The following OR5V1 variants were observed in gnomAD, a reference collection of about 807,000 sequenced individuals.
OR5V1 encodes the protein olfactory receptor 5V1.
For missense variants in OR5V1, 365 were observed against 371.5 expected, an observed-to-expected ratio of 0.98 and a Z score of 0.14; for synonymous variants, 134 against 143.2, an observed-to-expected ratio of 0.94 and a Z score of 0.46.
At chr6:29,359,650 A>T (rs1483243095) in intron 1 of OR5V1, among the ~76,000 whole-genome samples, 1 of 152,178 alleles carries the variant, frequency 6.6e-6, no homozygotes, top group East Asian at 1.9e-4. Context: ...CAGCACCTGG[A>T]GGGCAGGCAG....
chr6:29,366,116 G>A (rs1268164090), intron 1 of OR5V1, among the ~76,000 whole-genome samples: 1 of 152,056 alleles, frequency 6.6e-6, no homozygotes, highest in East Asian at 1.9e-4. Flanking sequence ...AGAACACATG[G>A]ACACAGGGAG....
At chr6:29,356,413 C>T (rs1778312426) in intron 1 of OR5V1, 136 bp from the exon 2 acceptor site, 1 of 504,350 alleles carries the variant, frequency 2.0e-6, no homozygotes, top group Admixed American at 3.8e-5. Flanking sequence ...AATGTTTCAC[C>T]TGCAGATCAA....
intron 1 of OR5V1, among the ~76,000 whole-genome samples, chr6:29,365,131 C>G (rs528018599): frequency 6.6e-6 from 1 of 152,136 alleles, no homozygotes; most frequent in African/African-American, 2.4e-5. Flanking sequence ...TCCCTTACAC[C>G]TTATACAAAA....
In OR5V1 at chr6:29,354,442, A is replaced by G. The variant is rs1361153258; in HGVS notation, c.*788T>C. On this transcript the variant is annotated 3_prime_UTR_variant, in exon 2 of 2. Transcript: ENST00000641768. ...TAAATTTAGTCATTATATAACTAAG[A>G]CTTTTTATTCCCCATCAAAAAACCC... 2.0e-5 allele frequency: 3 copies of G among 152,160 alleles called. No homozygotes were observed. Among genetic ancestry groups the G allele is most frequent in the South Asian group, 4.2e-4 (2 of 4,814 alleles). The allele number at this position is 152,160 out of a possible 1,614,324, so 9.4% of individuals were successfully genotyped here.
Position 29,356,018 on chromosome 6 carries a change from A to G in OR5V1, c.178T>C (p.Tyr60His). ...VTDPHLHTPM[Y>H]YFLGNLAFID... ...AAGGCCAAGTTCCCTAGAAAATAAT[A>G]CATAGGTGTATGCAGGTGTGGATCA... The change falls in exon 2 of 2, where the codon TAT (tyrosine) becomes CAT (histidine). Residue 60 changes from tyrosine (Y) to histidine (H), a missense_variant. Tyr to His is a moderately conservative substitution (Grantham distance 83). Transcript: ENST00000641768. 1 of 1,614,076 alleles carries G rather than the reference A, an allele frequency of 6.2e-7. No individual in the cohort carries two copies. Among genetic ancestry groups the G allele is most frequent in the Non-Finnish European group, 8.5e-7 (1 of 1,179,972 alleles).
intron 1 of OR5V1, among the ~76,000 whole-genome samples, chr6:29,367,545 A>C (rs1195269416): frequency 6.6e-6 from 1 of 152,204 alleles, no homozygotes; most frequent in African/African-American, 2.4e-5. Flanking sequence ...TAGAACTTGG[A>C]AAAAATGTTC....
intron 1 of OR5V1, among the ~76,000 whole-genome samples, chr6:29,357,267 T>C (rs1199846979): frequency 6.6e-6 from 1 of 152,126 alleles, no homozygotes; most frequent in Non-Finnish European, 1.5e-5. Flanking sequence ...AGTCTTTACA[T>C]AAATCCTTTA....
intron 1 of OR5V1, among the ~76,000 whole-genome samples, chr6:29,358,656 G>T (rs1778427069): frequency 6.6e-6 from 1 of 152,122 alleles, no homozygotes; most frequent in African/African-American, 2.4e-5. Flanking sequence ...TCTGACATGG[G>T]TTAAGCTAGA....
chr6:29,365,265 A>C (rs1778793493), intron 1 of OR5V1, among the ~76,000 whole-genome samples: 1 of 152,108 alleles, frequency 6.6e-6, no homozygotes, highest in Admixed American at 6.6e-5. Context: ...TAAAACACCA[A>C]AAGCAATGCA....
rs571770110 is a variant in OR5V1, at chr6:29,355,970, T to C, written c.226A>G (p.Ser76Gly). ...TGCACCATCATCTGGGGGACATTGCTGGTGGTGTAGCAGATGTCAATAAAG... is the reference window on the plus strand; with the variant it reads ...TGCACCATCATCTGGGGGACATTGCCGGTGGTGTAGCAGATGTCAATAAAG... The part of the protein sequence containing the change: ...LAFIDICYTT[S>G]NVPQMMVHLL... The change falls in exon 2 of 2, where the codon AGC becomes GGC. Residue 76 changes from serine to glycine, a missense_variant. Physicochemically the swap from Ser to Gly is moderately conservative, Grantham distance 56. Transcript: ENST00000641768. 3.1e-6 allele frequency: 5 copies of C among 1,614,036 alleles called. No individual in the cohort carries two copies. The South Asian group carries it at 5.5e-5, about 18-fold the overall frequency.
chr6:29,356,077 C>T lies in OR5V1; in HGVS notation c.119G>A (p.Gly40Glu). ...CGTCAAGATAATTAATATATTTCCT[C>T]CCAAAGTACAGAAATAAGTCAGAAA... The part of the protein sequence containing the change: ...IFFLTYFCTL[G>E]GNILIILTTV... The change falls in exon 2 of 2, where the codon GGA (glycine) becomes GAA (glutamate). Residue 40 changes from glycine to glutamate, a missense_variant. Gly to Glu is a moderately conservative substitution (Grantham distance 98, BLOSUM62 -2). Coordinates refer to ENST00000641768, the MANE Select transcript of OR5V1 (RefSeq NM_030876.6). 6.2e-7 allele frequency: 1 copy of T among 1,613,922 alleles called. No homozygotes were observed. Among genetic ancestry groups the T allele is most frequent in the Admixed American group, 1.7e-5 (1 of 59,984 alleles).
At chr6:29,367,800 G>A (rs1215312640) in intron 1 of OR5V1, among the ~76,000 whole-genome samples, 1 of 152,090 alleles carries the variant, frequency 6.6e-6, no homozygotes, top group Non-Finnish European at 1.5e-5. Flanking sequence ...AATTCACCAC[G>A]CAAAGCACAA....
At chr6:29,366,351 C>G (rs1778856193) in intron 1 of OR5V1, among the ~76,000 whole-genome samples, 1 of 137,374 alleles carries the variant, frequency 7.3e-6, no homozygotes, top group Admixed American at 7.3e-5. Context: ...AAAAGGAAAT[C>G]CAGGGGGAGA....
chr6:29,355,930 T>G lies in OR5V1; in HGVS notation c.266A>C (p.Lys89Thr). 6.2e-7 allele frequency: 1 copy of G among 1,614,072 alleles called. No individual in the cohort carries two copies. Among genetic ancestry groups the G allele is most frequent in the Non-Finnish European group, 8.5e-7 (1 of 1,179,970 alleles). ...PQMMVHLLSKKKSISYVGCVV... is the reference protein window; with the variant it reads ...PQMMVHLLSKTKSISYVGCVV... Reference sequence around the variant, plus strand: ...ACACCCCACATAAGAAATGCTTTTTTTCTTTGAGAGGAGGTGCACCATCAT... The same window carrying G: ...ACACCCCACATAAGAAATGCTTTTTGTCTTTGAGAGGAGGTGCACCATCAT... The change falls in exon 2 of 2, where the codon AAA (lysine) becomes ACA (threonine). Residue 89 changes from lysine (K) to threonine (T), a missense_variant. Transcript: ENST00000641768.
chr6:29,361,511 A>C (rs1214924844), intron 1 of OR5V1, among the ~76,000 whole-genome samples: 2 of 152,296 alleles, frequency 1.3e-5, no homozygotes, highest in East Asian at 1.9e-4. Flanking sequence ...TGAAAGAAAA[A>C]ATGTTAAGGA....
intron 1 of OR5V1, among the ~76,000 whole-genome samples, chr6:29,362,035 A>G (rs1778587438): frequency 1.3e-5 from 2 of 152,184 alleles, no homozygotes; most frequent in Admixed American, 1.3e-4. Context: ...AGTATTCAGG[A>G]GACCCATCTC....
At position 29,355,568 on chromosome 6, in the gene OR5V1, G is replaced by C. The variant is rs1261982607; in HGVS notation, c.628C>G (p.Pro210Ala). The C allele has an allele frequency of 6.2e-7, 1 of 1,613,836 alleles. No individual in the cohort carries two copies. Among genetic ancestry groups the C allele is most frequent in the African/African-American group, 1.3e-5 (1 of 74,896 alleles). ...LSTGVFIGWTPFLCIVLSYIC... is the reference protein window; with the variant it reads ...LSTGVFIGWTAFLCIVLSYIC... The stretch of plus-strand genomic sequence containing the variant: ...TAGGAAAGTACGATACAAAGGAAAG[G>C]AGTCCAACCAATGAAGACCCCAGTG... Residue 210 changes from proline to alanine, a missense_variant, in exon 2 of 2, where the codon CCT becomes GCT. Physicochemically the swap from Pro to Ala is conservative, Grantham distance 27. Coordinates refer to ENST00000641768, the MANE Select transcript of OR5V1 (RefSeq NM_030876.6).
At chr6:29,365,746 C>A (rs1271801644) in intron 1 of OR5V1, among the ~76,000 whole-genome samples, 1 of 152,082 alleles carries the variant, frequency 6.6e-6, no homozygotes, top group African/African-American at 2.4e-5. Context: ...GGCAGTGTGG[C>A]AATTACCCAA....
chr6:29,358,262 C>A lies in OR5V1; in HGVS notation c.-82-1985G>T, dbSNP rs187016188. ...CCCCTTTCATCTTTTTTAACATTTCCTTCCACTTCTGAGGAGGAATTAACC... is the reference window on the plus strand; with the variant it reads ...CCCCTTTCATCTTTTTTAACATTTCATTCCACTTCTGAGGAGGAATTAACC... On this transcript the variant is annotated intron_variant, in intron 1 of 1. Coordinates refer to ENST00000641768, the MANE Select transcript of OR5V1 (RefSeq NM_030876.6). Among the ~76,000 whole-genome samples, 3 of 152,128 alleles carry A rather than the reference C, an allele frequency of 2.0e-5. No individual in the cohort carries two copies. The East Asian group carries it at 5.8e-4, about 29-fold the overall frequency.
Sources: allele counts gnomAD v4.1 joint callset (sites outside exome capture counted in the v4.1 genomes callset), GRCh38; gene constraint gnomAD v4.1.1; transcripts MANE v1.5; gene names NCBI Gene and HGNC (gene_info 2026-07-23, HGNC 2026-07-21).